TBC1D22A: variants seen among roughly 807,000 people sequenced by gnomAD.
The protein encoded by TBC1D22A is putative GTPase activator.
Under a neutral mutation model 60.2 loss-of-function variants are expected in TBC1D22A, and 38 were observed. The ratio of observed to expected loss-of-function variants is 0.63; its 90% CI spans 0.49 to 0.83. The LOEUF (loss-of-function observed/expected upper bound fraction) is 0.83, where lower values mean the gene tolerates loss of function less well. Ranked by LOEUF, TBC1D22A falls within the 40% of genes least tolerant of loss-of-function variation. TBC1D22A has a pLI of 0.00. For synonymous variants in TBC1D22A, 302 were observed against 281.7 expected, an observed-to-expected ratio of 1.07 and a Z score of -0.72; for missense variants, 628 against 701.0, an observed-to-expected ratio of 0.90 and a Z score of 1.18.
chr22:47,098,541 G>C (rs1196545883), intron 11 of TBC1D22A, among the ~76,000 whole-genome samples: 1 of 152,050 alleles, frequency 6.6e-6, no homozygotes, highest in Non-Finnish European at 1.5e-5. Context: ...CCCTGGGGAA[G>C]GGCCAGGCAA....
intron 1 of TBC1D22A, among the ~76,000 whole-genome samples, chr22:46,783,591 G>GTT (rs10551971): frequency 6.6e-6 from 1 of 151,230 alleles, no homozygotes; most frequent in African/African-American, 2.4e-5. Context: ...TGCAGGAGCA[G>GTT]TTTTTTTTTT....
intron 1 of TBC1D22A, among the ~76,000 whole-genome samples, chr22:46,789,892 C>T (rs1288079846): frequency 2.0e-5 from 3 of 152,274 alleles, no homozygotes; most frequent in East Asian, 1.9e-4. Flanking sequence ...AACTAGCACA[C>T]GGCAATGTTT....
Position 46,769,276 on chromosome 22 carries a change from C to T in TBC1D22A, c.62+6428C>T, listed in dbSNP as rs573801813. 1.2e-3 allele frequency among the ~76,000 whole-genome samples: 176 copies of T among 152,240 alleles called. 1 individual carries two copies. The highest frequency in any genetic ancestry group is 3.9e-3 in the African/African-American group (160 of 41,534). ...GATGTCTGTGAGCAAATCAGACGGT[C>T]GGCTGAATAGGCCACAGTCCGTCCT... On this transcript the variant is annotated intron_variant, in intron 1 of 12. Transcript: ENST00000337137.
chr22:47,115,936 A>T (rs13053578), intron 12 of TBC1D22A: 26,303 of 152,362 alleles, frequency 0.17, 2,419 homozygotes, highest in Non-Finnish European at 0.21. Flanking sequence ...TAAGCACGGC[A>T]TTGTAAAATT....
rs139943574 is a variant in TBC1D22A, at chr22:47,139,719, G to A, written c.1425+28116G>A. ...TGTCCTGGCCGGGGAGGTTGTGAGT[G>A]TCTGCCCAGGGCGCCTGGGCTGAGC... On this transcript the variant is annotated intron_variant, in intron 12 of 12. Coordinates refer to ENST00000337137, the MANE Select transcript of TBC1D22A (RefSeq NM_014346.5). Among the ~76,000 whole-genome samples, 702 of 152,350 alleles carry A rather than the reference G, an allele frequency of 4.6e-3. 3 individuals are homozygous for A. The highest frequency in any genetic ancestry group is 0.016 in the African/African-American group (645 of 41,590).
intron 4 of TBC1D22A, among the ~76,000 whole-genome samples, chr22:46,837,553 T>A (rs1299117635): frequency 6.6e-6 from 1 of 152,138 alleles, no homozygotes; most frequent in Non-Finnish European, 1.5e-5. Context: ...AATCTTGATA[T>A]CACACAATGG....
intron 10 of TBC1D22A, among the ~76,000 whole-genome samples, chr22:47,005,609 A>G (rs1172235857): frequency 8.5e-6 from 1 of 118,148 alleles, no homozygotes; most frequent in Non-Finnish European, 1.7e-5. Flanking sequence ...ACCTCTGTAT[A>G]CTCACATACC....
intron 8 of TBC1D22A, among the ~76,000 whole-genome samples, chr22:46,961,290 A>C (rs984788036): frequency 3.9e-5 from 6 of 152,234 alleles, no homozygotes; most frequent in African/African-American, 1.4e-4. Flanking sequence ...AATGATGTCA[A>C]GAATCATCCA....
chr22:46,933,629 G>C (rs1014452523), intron 8 of TBC1D22A, among the ~76,000 whole-genome samples: 5 of 152,312 alleles, frequency 3.3e-5, no homozygotes, highest in East Asian at 1.9e-4. Context: ...GACCACTGGG[G>C]GGGGGTTGGC....
rs17222285 is a variant in TBC1D22A, at chr22:47,038,971, A to G, written c.1329+1773A>G. Among the ~76,000 whole-genome samples, 31 of 152,326 alleles carry G rather than the reference A, an allele frequency of 2.0e-4. No individual in the cohort carries two copies. The East Asian group carries it at 5.8e-3, about 28-fold the overall frequency. ...AAACTTAATATCCTGTAAATTGCGA[A>G]TGCTGTCCGTTTTTGTGATTGGTTA... On this transcript the variant is annotated intron_variant, in intron 11 of 12. Transcript: ENST00000337137.
intron 12 of TBC1D22A, among the ~76,000 whole-genome samples, chr22:47,170,092 T>C (rs1427792114): frequency 1.3e-5 from 2 of 152,208 alleles, no homozygotes; most frequent in Non-Finnish European, 2.9e-5. Flanking sequence ...AGACAAGCCT[T>C]TTTAAAAAAG....
intron 1 of TBC1D22A, among the ~76,000 whole-genome samples, chr22:46,768,510 T>C (rs530671949): frequency 0.092 from 10,806 of 117,662 alleles, 572 homozygotes; most frequent in Non-Finnish European, 0.13. Context: ...AAAAAAAAAA[T>C]AGAATCTGAA....
chr22:46,838,498 T>G (rs948643903), intron 4 of TBC1D22A, among the ~76,000 whole-genome samples: 11 of 152,082 alleles, frequency 7.2e-5, no homozygotes, highest in South Asian at 2.1e-4. Flanking sequence ...AGAATGAATG[T>G]CAGTTCTTCT....
rs974822641 is a variant in TBC1D22A at position 47,175,685 on chromosome 22, A to G, written c.*2059A>G. 2.0e-5 allele frequency: 3 copies of G among 151,954 alleles called. No homozygotes were observed. The highest frequency in any genetic ancestry group is 6.5e-5 in the Admixed American group (1 of 15,274). The allele number at this position is 151,954 out of a possible 1,614,324, so 9.4% of individuals were successfully genotyped here. On this transcript the variant is annotated 3_prime_UTR_variant, in exon 13 of 13. Coordinates refer to ENST00000337137, the MANE Select transcript of TBC1D22A (RefSeq NM_014346.5). ...GCGCTAAAAACACGGAATAAAGATC[A>G]GTGACAAAGCCGCGGCCTTGGCCTG...
At chr22:46,909,306 A>ACT (rs890989545) in intron 7 of TBC1D22A, among the ~76,000 whole-genome samples, 12 of 152,150 alleles carry the variant, frequency 7.9e-5, no homozygotes, top group African/African-American at 2.9e-4. Context: ...ACACACACAC[A>ACT]CACACACTCA....
chr22:47,035,500 G>C (rs1021710273), intron 10 of TBC1D22A, among the ~76,000 whole-genome samples: 13 of 152,178 alleles, frequency 8.5e-5, no homozygotes, highest in African/African-American at 3.1e-4. Flanking sequence ...TGTCGTGTTG[G>C]AATGGAGCGT....
chr22:46,878,248 A>G (rs1374954261), intron 4 of TBC1D22A, among the ~76,000 whole-genome samples: 1 of 15,068 alleles, frequency 6.6e-5, no homozygotes, highest in African/African-American at 2.7e-4. Flanking sequence ...AGGAAAACCA[A>G]TTAACATGAT....
chr22:46,841,108 A>C (rs1400661968), intron 4 of TBC1D22A, among the ~76,000 whole-genome samples: 1 of 150,496 alleles, frequency 6.6e-6, no homozygotes, highest in Non-Finnish European at 1.5e-5. Context: ...GAGAGAGAAA[A>C]TGGGATTGCC....
Position 47,168,771 on chromosome 22 carries a change from G to A in TBC1D22A, c.1426-4727G>A, listed in dbSNP as rs115264613. Among the ~76,000 whole-genome samples the A allele has an allele frequency of 7.9e-3, 1,194 of 150,302 alleles. 12 individuals are homozygous for A. The highest frequency in any genetic ancestry group is 0.027 in the African/African-American group (1,120 of 40,886). On this transcript the variant is annotated intron_variant, in intron 12 of 12. Coordinates refer to ENST00000337137, the MANE Select transcript of TBC1D22A (RefSeq NM_014346.5). ...CCCTTCCTGGGAAGGCCTGGCACGC[G>A]GGGGAGGTCAGTGTCCTCCACGGAT...
Sources: allele counts gnomAD v4.1 joint callset (sites outside exome capture counted in the v4.1 genomes callset), GRCh38; gene constraint gnomAD v4.1.1; transcripts MANE v1.5; gene names NCBI Gene and HGNC (gene_info 2026-07-23, HGNC 2026-07-21).